Variants in AKAP6 observed in about 807,000 individuals in gnomAD.
AKAP6 encodes the protein A-kinase anchor protein 6.
In AKAP6, 58 loss-of-function variants were observed where a neutral mutation model predicts 188.5. The ratio of observed to expected loss-of-function variants is 0.31; its 90% CI spans 0.25 to 0.38. AKAP6 has a LOEUF of 0.38. AKAP6 is among the 10% of genes least tolerant of loss of function. The pLI is 1.00. For synonymous variants in AKAP6, 989 were observed against 998.6 expected (o/e 0.99, Z 0.18); for missense variants, 2,710 against 2,740.0 (o/e 0.99, Z 0.24).
In AKAP6 at chr14:32,388,063, TTTAAGC is replaced by T. The variant is rs563755067; in HGVS notation, c.-34-45395_-34-45390del. ...GTTTAGGGTATCTAACTCTTCCTGATTTAAGCTAGGAGGGTTGTAGCTTTCCAGGAA... is the reference window on the plus strand; with the variant it reads ...GTTTAGGGTATCTAACTCTTCCTGATTAGGAGGGTTGTAGCTTTCCAGGAA... On this transcript the variant is annotated intron_variant, in intron 1 of 13. Coordinates refer to ENST00000280979, the MANE Select transcript of AKAP6 (RefSeq NM_004274.5). Among the ~76,000 whole-genome samples, 27 of 152,240 alleles carry T rather than the reference TTTAAGC, an allele frequency of 1.8e-4. No individual in the cohort carries two copies. In the South Asian group the frequency reaches 2.9e-3, roughly 16 times the overall value.
intron 11 of AKAP6, among the ~76,000 whole-genome samples, chr14:32,770,579 C>T (rs1431971502): frequency 3.9e-5 from 6 of 152,190 alleles, no homozygotes. Flanking sequence ...CCCCAACACA[C>T]CAGGCACTCC....
intron 1 of AKAP6, among the ~76,000 whole-genome samples, chr14:32,358,480 A>T (rs769197900): frequency 6.6e-6 from 1 of 152,080 alleles, no homozygotes; most frequent in Non-Finnish European, 1.5e-5. Context: ...GATACACTTT[A>T]TTTCCCTTGT....
chr14:32,604,853 G>A (rs537129983), intron 7 of AKAP6, among the ~76,000 whole-genome samples: 4 of 152,192 alleles, frequency 2.6e-5, no homozygotes, highest in Admixed American at 1.3e-4. Flanking sequence ...GTACATGTGC[G>A]GGATGTGCAA....
chr14:32,412,900 A>C (rs528056128), intron 1 of AKAP6, among the ~76,000 whole-genome samples: 1 of 152,308 alleles, frequency 6.6e-6, no homozygotes, highest in African/African-American at 2.4e-5. Context: ...GTGGGCTGAG[A>C]GTAGGTATAG....
At chr14:32,598,311 A>G (rs559476080) in intron 5 of AKAP6, among the ~76,000 whole-genome samples, 38 of 152,296 alleles carry the variant, frequency 2.5e-4, no homozygotes, top group African/African-American at 8.4e-4. Context: ...ATTTGGCCAC[A>G]CAGTATTTCA....
intron 8 of AKAP6, among the ~76,000 whole-genome samples, chr14:32,690,166 A>G (rs1201964844): frequency 6.6e-6 from 1 of 151,130 alleles, no homozygotes; most frequent in African/African-American, 2.4e-5. Flanking sequence ...TTTTAGTGTT[A>G]TATATTTTTT....
At chr14:32,776,445 C>T (rs2033067945) in intron 12 of AKAP6, among the ~76,000 whole-genome samples, 1 of 152,224 alleles carries the variant, frequency 6.6e-6, no homozygotes, top group South Asian at 2.1e-4. Flanking sequence ...GTGAGGCCTC[C>T]CCAGCCACAT....
At chr14:32,401,036 T>G (rs1889073365) in intron 1 of AKAP6, among the ~76,000 whole-genome samples, 1 of 152,112 alleles carries the variant, frequency 6.6e-6, no homozygotes, top group Non-Finnish European at 1.5e-5. Flanking sequence ...GAAAAAGGCA[T>G]AGAAAAAAAT....
At chr14:32,485,445 C>T (rs924219360) in intron 2 of AKAP6, among the ~76,000 whole-genome samples, 1 of 152,136 alleles carries the variant, frequency 6.6e-6, no homozygotes, top group African/African-American at 2.4e-5. Flanking sequence ...TAAAAGCATT[C>T]CTATTTCTCC....
At chr14:32,619,703 G>C (rs1223924265) in intron 7 of AKAP6, among the ~76,000 whole-genome samples, 1 of 152,008 alleles carries the variant, frequency 6.6e-6, no homozygotes, top group Admixed American at 6.6e-5. Flanking sequence ...TTCTAATTCT[G>C]TGAAAAATGA....
intron 7 of AKAP6, among the ~76,000 whole-genome samples, chr14:32,670,592 A>G (rs369686921): frequency 3.3e-5 from 5 of 152,324 alleles, no homozygotes; most frequent in South Asian, 4.1e-4. Context: ...CCAAAAAAGT[A>G]GGGTTTCCTC....
chr14:32,698,415 G>C (rs147792152), intron 9 of AKAP6, among the ~76,000 whole-genome samples: 2 of 152,148 alleles, frequency 1.3e-5, no homozygotes, highest in Admixed American at 6.5e-5. Flanking sequence ...GCCTTGCCAG[G>C]TTTTAAATAC....
At chr14:32,506,033 C>T (rs961399545) in intron 2 of AKAP6, among the ~76,000 whole-genome samples, 1 of 151,708 alleles carries the variant, frequency 6.6e-6, no homozygotes, top group African/African-American at 2.4e-5. Context: ...GTTCAAGCTA[C>T]GCGGGAGGCT....
intron 5 of AKAP6, among the ~76,000 whole-genome samples, chr14:32,589,449 G>T (rs547735366): frequency 4.6e-5 from 7 of 152,316 alleles, no homozygotes; most frequent in African/African-American, 1.7e-4. Flanking sequence ...GCATTTTGAG[G>T]TTGGTATGTG....
chr14:32,434,520 TC>T (rs1310976996), intron 2 of AKAP6, among the ~76,000 whole-genome samples: 1 of 152,124 alleles, frequency 6.6e-6, no homozygotes, highest in African/African-American at 2.4e-5. Context: ...CTCTCCCAGG[TC>T]CTTGAGGGAA....
At chr14:32,643,339 A>C (rs1391422562) in intron 7 of AKAP6, among the ~76,000 whole-genome samples, 1 of 149,984 alleles carries the variant, frequency 6.7e-6, no homozygotes, top group Admixed American at 6.7e-5. Flanking sequence ...ACGGAGTCTC[A>C]CTCTGTCACC....
chr14:32,500,274 T>A (rs1471570660), intron 2 of AKAP6, among the ~76,000 whole-genome samples: 1 of 152,188 alleles, frequency 6.6e-6, no homozygotes, highest in Non-Finnish European at 1.5e-5. Flanking sequence ...AGAGAAGTAG[T>A]TACCCACACA....
intron 9 of AKAP6, among the ~76,000 whole-genome samples, chr14:32,731,103 A>AAAT (rs2031153225): frequency 6.6e-6 from 1 of 152,174 alleles, no homozygotes; most frequent in South Asian, 2.1e-4. Context: ...GAAATGCTTT[A>AAAT]AATCACCTCA....
At position 32,822,927 on chromosome 14, in the gene AKAP6, T is replaced by C. The variant is rs2034569959; in HGVS notation, c.5114T>C (p.Val1705Ala). 1.2e-6 allele frequency: 2 copies of C among 1,613,908 alleles called. No individual in the cohort carries two copies. Among genetic ancestry groups the C allele is most frequent in the Non-Finnish European group, 1.7e-6 (2 of 1,179,910 alleles). ...DELSLCSEDI[V>A]LHKNKIPESN... ...CTCTCTCTTTGCTCAGAGGATATTG[T>C]GTTACACAAGAACAAGATCCCGGAA... The change falls in exon 13 of 14, where the codon GTG becomes GCG. Residue 1705 changes from valine (V) to alanine (A), a missense_variant. Around this residue, in one of 2 missense-constraint regions of AKAP6, gnomAD observed 2,473 missense variants for 2,426.1 expected, o/e 1.02. Transcript: ENST00000280979.
Sources: gnomAD v4.1 joint callset for allele counts (sites outside exome capture counted in the v4.1 genomes callset) on GRCh38, gnomAD v4.1.1 for gene constraint, gnomAD v4.1.1 regional missense constraint, MANE v1.5 for transcripts, NCBI Gene and HGNC (gene_info 2026-07-23, HGNC 2026-07-21) for gene names.